The following LSAMP variants were observed in gnomAD, a reference collection of about 807,000 sequenced individuals.
The protein encoded by LSAMP is limbic system-associated membrane protein.
In LSAMP, 7 loss-of-function variants were observed where a neutral mutation model predicts 38.6. The ratio of observed to expected loss-of-function variants is 0.18; its 90% CI spans 0.10 to 0.34. The LOEUF is 0.34. LSAMP is among the 10% of genes least tolerant of loss of function. LSAMP has a pLI of 1.00. For synonymous variants in LSAMP, 154 were observed against 166.8 expected (o/e 0.92, Z 0.59); for missense variants, 313 against 420.0 (o/e 0.75, Z 2.23).
At chr3:115,987,696 T>C (rs538066689) in intron 3 of LSAMP, among the ~76,000 whole-genome samples, 64 of 152,208 alleles carry the variant, frequency 4.2e-4, no homozygotes, top group Non-Finnish European at 6.9e-4. Context: ...TGAATTCATG[T>C]ATATGCTACC....
intron 1 of LSAMP, among the ~76,000 whole-genome samples, chr3:116,241,393 C>G (rs2046531914): frequency 1.3e-5 from 2 of 151,970 alleles, no homozygotes; most frequent in African/African-American, 4.8e-5. Context: ...ATGGTAAAAC[C>G]CTGTCTCTAC....
At chr3:116,189,330 G>T (rs1254786357) in intron 1 of LSAMP, among the ~76,000 whole-genome samples, 1 of 152,088 alleles carries the variant, frequency 6.6e-6, no homozygotes, top group Non-Finnish European at 1.5e-5. Flanking sequence ...AGATCACAAA[G>T]AAACCCTGCA....
chr3:116,147,033 T>A (rs1709506880), intron 1 of LSAMP, among the ~76,000 whole-genome samples: 1 of 151,870 alleles, frequency 6.6e-6, no homozygotes, highest in African/African-American at 2.4e-5. Context: ...AGTTGGATCA[T>A]CATCTTCCTT....
intron 1 of LSAMP, among the ~76,000 whole-genome samples, chr3:116,267,611 C>CCA (rs2046909281): frequency 7.1e-6 from 1 of 140,090 alleles, no homozygotes; most frequent in Non-Finnish European, 1.5e-5. Context: ...TTTAAGCTGG[C>CCA]AAAAAAAAAA....
intron 1 of LSAMP, among the ~76,000 whole-genome samples, chr3:116,394,133 C>A (rs1025659488): frequency 6.6e-6 from 1 of 152,110 alleles, no homozygotes; most frequent in Non-Finnish European, 1.5e-5. Context: ...CCACATGTAT[C>A]GGGTTAGAGG....
intron 1 of LSAMP, among the ~76,000 whole-genome samples, chr3:116,321,344 G>C (rs1337278126): frequency 6.6e-6 from 1 of 152,110 alleles, no homozygotes; most frequent in African/African-American, 2.4e-5. Context: ...CTGCACTCCA[G>C]CATGGCCAAC....
intron 1 of LSAMP, among the ~76,000 whole-genome samples, chr3:116,441,382 T>C (rs762920552): frequency 1.4e-4 from 21 of 152,214 alleles, no homozygotes; most frequent in Non-Finnish European, 5.9e-5. Context: ...AAAGTTGCCT[T>C]ATGAATAGAT....
chr3:116,014,968 CT>C (rs1290252193), intron 3 of LSAMP, among the ~76,000 whole-genome samples: 1 of 152,094 alleles, frequency 6.6e-6, no homozygotes, highest in Non-Finnish European at 1.5e-5. Context: ...AGGGTTCAGA[CT>C]TGGAAATGAA....
intron 4 of LSAMP, among the ~76,000 whole-genome samples, chr3:115,848,501 C>T (rs566474811): frequency 6.6e-6 from 1 of 152,244 alleles, no homozygotes; most frequent in Admixed American, 6.5e-5. Flanking sequence ...CTGAAGATAC[C>T]AGTTAAAATA....
rs1577025062 is a variant in LSAMP at position 115,808,123 on chromosome 3, T to G, written c.*2194A>C. 2.1e-5 allele frequency: 1 copy of G among 47,234 alleles called. No homozygotes were observed. The highest frequency in any genetic ancestry group is 3.9e-5 in the Non-Finnish European group (1 of 25,582). 2.9% of individuals were successfully genotyped at this position (47,234 alleles called of 1,614,324 possible). ...CTTCCTTCCTTCCTCCCTCCCTCCC[T>G]CCCTCCCTCCCTCCCTCCCTCCCTC... On this transcript the variant is annotated 3_prime_UTR_variant, in exon 7 of 7. Coordinates refer to ENST00000490035, the MANE Select transcript of LSAMP (RefSeq NM_002338.5).
At chr3:116,084,468 A>C (rs1208088824) in intron 2 of LSAMP, among the ~76,000 whole-genome samples, 2 of 148,816 alleles carry the variant, frequency 1.3e-5, no homozygotes, top group Admixed American at 6.7e-5. Flanking sequence ...AAAAAAAAAA[A>C]AAACCAAAAA....
chr3:116,042,004 C>G (rs1941184649), intron 2 of LSAMP, among the ~76,000 whole-genome samples: 1 of 151,988 alleles, frequency 6.6e-6, no homozygotes, highest in African/African-American at 2.4e-5. Flanking sequence ...CGACACACTG[C>G]TATAATAGAA....
Position 115,802,901 on chromosome 3 carries a change from C to T in LSAMP, c.*7416G>A, listed in dbSNP as rs957282462. ...GAATTTCTTCCCTTTAACCTCCCTA[C>T]TCCAAGTAAATACTTAGGGAGCAGA... On this transcript the variant is annotated 3_prime_UTR_variant, in exon 7 of 7. Coordinates refer to ENST00000490035, the MANE Select transcript of LSAMP (RefSeq NM_002338.5). 11 of 152,188 alleles carry T rather than the reference C, an allele frequency of 7.2e-5. No homozygotes were observed. The highest frequency in any genetic ancestry group is 2.7e-4 in the African/African-American group (11 of 41,508). 9.4% of individuals were successfully genotyped at this position (152,188 alleles called of 1,614,324 possible).
chr3:116,025,076 G>GT lies in LSAMP; in HGVS notation c.389-5437dup, dbSNP rs547442714. On this transcript the variant is annotated intron_variant, in intron 2 of 6. Coordinates refer to ENST00000490035, the MANE Select transcript of LSAMP (RefSeq NM_002338.5). ...TCTTATTTGAATCAGCAAATGTTAA[G>GT]TTTTTTATTTTTCAAAATCACTGTA... 1.6e-3 allele frequency among the ~76,000 whole-genome samples: 250 copies of GT among 151,980 alleles called. 1 individual carries two copies. The highest frequency in any genetic ancestry group is 5.9e-3 in the African/African-American group (245 of 41,536).
chr3:115,820,817 G>C (rs1934205165), intron 6 of LSAMP, among the ~76,000 whole-genome samples: 1 of 152,122 alleles, frequency 6.6e-6, no homozygotes, highest in Non-Finnish European at 1.5e-5. Flanking sequence ...TCTAGAGAGG[G>C]GAGATTCTAT....
At chr3:116,066,564 C>A (rs1707435916) in intron 2 of LSAMP, among the ~76,000 whole-genome samples, 1 of 152,190 alleles carries the variant, frequency 6.6e-6, no homozygotes, top group African/African-American at 2.4e-5. Context: ...AACCTGGTTA[C>A]CTTTTTTTCT....
At chr3:116,279,443 A>G (rs1195983627) in intron 1 of LSAMP, among the ~76,000 whole-genome samples, 5 of 152,216 alleles carry the variant, frequency 3.3e-5, no homozygotes, top group South Asian at 2.1e-4. Context: ...CACATCTTCA[A>G]TATAACTCTA....
intron 1 of LSAMP, among the ~76,000 whole-genome samples, chr3:116,266,936 T>C (rs1242171774): frequency 6.6e-6 from 1 of 152,148 alleles, no homozygotes; most frequent in Non-Finnish European, 1.5e-5. Context: ...GAGTGTTCCT[T>C]TTCTGTGTGG....
intron 1 of LSAMP, among the ~76,000 whole-genome samples, chr3:116,105,061 C>A (rs1275102558): frequency 6.6e-6 from 1 of 151,998 alleles, no homozygotes; most frequent in African/African-American, 2.4e-5. Context: ...CCTGGAAGAG[C>A]CAGCTATACT....
Sources: allele counts gnomAD v4.1 joint callset (sites outside exome capture counted in the v4.1 genomes callset), GRCh38; gene constraint gnomAD v4.1.1; transcripts MANE v1.5; gene names NCBI Gene and HGNC (gene_info 2026-07-23, HGNC 2026-07-21).